Variants in CPSF6 observed in about 807,000 individuals in gnomAD.
CPSF6 encodes cleavage and polyadenylation specific factor 6.
Under a neutral mutation model 56.7 loss-of-function variants are expected in CPSF6, and 10 were observed. The observed-to-expected ratio is 0.18, with a 90% CI of 0.11 to 0.30. The LOEUF is 0.30. CPSF6 is among the 10% of genes least tolerant of loss of function. The pLI is 1.00. For synonymous variants in CPSF6, 248 were observed against 244.8 expected (o/e 1.01, Z -0.12); for missense variants, 419 against 722.9 (o/e 0.58, Z 4.82).
chr12:69,266,890 G>T (rs942186062), intron 9 of CPSF6, among the ~76,000 whole-genome samples: 3 of 152,058 alleles, frequency 2.0e-5, no homozygotes, highest in Non-Finnish European at 4.4e-5. Flanking sequence ...AGAGGTAGAA[G>T]AAAATATGAA....
At chr12:69,249,282 TAAATAA>T (rs150146546) in intron 1 of CPSF6, among the ~76,000 whole-genome samples, 6,589 of 148,112 alleles carry the variant, frequency 0.044, 464 homozygotes, top group African/African-American at 0.14. Flanking sequence ...AAAAAATAAA[TAAATAA>T]AAATTAAAAT....
rs189958604 is a variant in CPSF6 at position 69,250,520 on chromosome 12, G to A, written c.61-609G>A. ...GGCTCAAGCCTATATTTGGGAGGCC[G>A]AGGCAGGAGGATTGCTTGAACTCAG... On this transcript the variant is annotated intron_variant, in intron 1 of 9. Coordinates refer to ENST00000435070, the MANE Select transcript of CPSF6 (RefSeq NM_007007.3). 1.1e-4 allele frequency among the ~76,000 whole-genome samples: 17 copies of A among 148,566 alleles called. No homozygotes were observed. In the East Asian group the frequency reaches 3.1e-3, roughly 27 times the overall value.
intron 2 of CPSF6, chr12:69,252,282 T>C (rs1488495748): frequency 2.5e-5 from 8 of 317,616 alleles, no homozygotes; most frequent in Non-Finnish European, 3.7e-5. Flanking sequence ...GACTTCTTGC[T>C]ATATTGCTTC....
At chr12:69,240,052 G>A (rs990525080) in intron 1 of CPSF6, among the ~76,000 whole-genome samples, 2 of 151,450 alleles carry the variant, frequency 1.3e-5, no homozygotes, top group Non-Finnish European at 3.0e-5. Flanking sequence ...GGGGCCGCGT[G>A]TAAGCGGCGG....
chr12:69,242,603 T>G (rs1422356694), intron 1 of CPSF6, among the ~76,000 whole-genome samples: 2 of 152,158 alleles, frequency 1.3e-5, no homozygotes. Context: ...TTAGAGGTCT[T>G]TGGATGTCAC....
rs371147845 is a variant in CPSF6, at chr12:69,265,707, A to G, written c.*3+3145A>G. Among the ~76,000 whole-genome samples the G allele has an allele frequency of 6.0e-5, 9 of 150,212 alleles. No individual in the cohort carries two copies. In the South Asian group the frequency reaches 6.3e-4, roughly 11 times the overall value. On this transcript the variant is annotated intron_variant, in intron 9 of 9. Transcript: ENST00000435070. ...AACCTTCACCTCCTGGGTTCAAGCA[A>G]TTCTCCTGCCTTAGCCTCCGGAGTA...
At chr12:69,256,642 G>A (rs907107004) in intron 3 of CPSF6, 55 bp from the exon 4 acceptor site, 1 of 1,517,388 alleles carries the variant, frequency 6.6e-7, no homozygotes, top group Middle Eastern at 1.8e-4. Context: ...AAGAATAACA[G>A]TAATAATATT....
chr12:69,242,740 A>C (rs1252932641), intron 1 of CPSF6, among the ~76,000 whole-genome samples: 2 of 152,238 alleles, frequency 1.3e-5, no homozygotes, highest in East Asian at 3.8e-4. Context: ...TTTATACTCA[A>C]GTGTAGTAAT....
At chr12:69,263,163 T>A (rs1483918003) in intron 9 of CPSF6, among the ~76,000 whole-genome samples, 1 of 152,020 alleles carries the variant, frequency 6.6e-6, no homozygotes, top group East Asian at 1.9e-4. Context: ...CAGTATCCTT[T>A]AATTTGCAAA....
Position 69,260,179 on chromosome 12 carries a change from C to T in CPSF6, c.1451C>T (p.Ser484Phe). 6.2e-7 allele frequency: 1 copy of T among 1,609,808 alleles called. No homozygotes were observed. Among genetic ancestry groups the T allele is most frequent in the Non-Finnish European group, 8.5e-7 (1 of 1,178,074 alleles). Residue 484 changes from serine to phenylalanine, a missense_variant, in exon 8 of 10, where the codon TCT (serine) becomes TTT (phenylalanine). This residue lies in a region of CPSF6 where 81 missense variants were observed against 193.6 expected (regional missense o/e 0.42). Transcript: ENST00000435070. Reference sequence around the variant, plus strand: ...TGCCTTCATGGAATTGAGTCCAAGTCTTATGGTTCTGGATCAAGGTAAAAC... The same window carrying T: ...TGCCTTCATGGAATTGAGTCCAAGTTTTATGGTTCTGGATCAAGGTAAAAC... ...QDCLHGIESK[S>F]YGSGSRRERS...
chr12:69,244,520 G>A (rs1871788510), intron 1 of CPSF6, among the ~76,000 whole-genome samples: 1 of 151,810 alleles, frequency 6.6e-6, no homozygotes, highest in South Asian at 2.1e-4. Flanking sequence ...CACCACACTG[G>A]GCCTAAACTT....
chr12:69,249,270 C>CA (rs1327751558), intron 1 of CPSF6, among the ~76,000 whole-genome samples: 2 of 145,078 alleles, frequency 1.4e-5, no homozygotes, highest in Non-Finnish European at 1.5e-5. Context: ...GACTCCGTCT[C>CA]AAAAAAATAA....
rs1872584222 is a variant in CPSF6, at chr12:69,258,037, A to G, written c.694+132A>G. On this transcript the variant is annotated intron_variant, in intron 5 of 9. Coordinates refer to ENST00000435070, the MANE Select transcript of CPSF6 (RefSeq NM_007007.3). This position sits in a 1 kb window ranked among gnomAD's most constrained non-coding sequence, Gnocchi z 4.2. The stretch of plus-strand genomic sequence containing the variant: ...GTTATGCTATTTTTGGAATCCAGGA[A>G]ATTTGATCAAGCATCTTGTTAAAGG... The G allele has an allele frequency of 6.5e-7, 1 of 1,541,056 alleles. No individual in the cohort carries two copies. Among genetic ancestry groups the G allele is most frequent in the Admixed American group, 2.0e-5 (1 of 50,950 alleles).
intron 9 of CPSF6, among the ~76,000 whole-genome samples, chr12:69,263,380 G>A (rs1872833334): frequency 6.6e-6 from 1 of 151,902 alleles, no homozygotes; most frequent in South Asian, 2.1e-4. Context: ...GGGAAGAGTT[G>A]TCTGTTTATG....
chr12:69,268,912 C>T (rs1034512018), intron 9 of CPSF6, among the ~76,000 whole-genome samples: 1 of 151,702 alleles, frequency 6.6e-6, no homozygotes, highest in African/African-American at 2.4e-5. Flanking sequence ...ATTTGTATTA[C>T]GTCTAAAGAT....
At position 69,267,647 on chromosome 12, in the gene CPSF6, C is replaced by T. The variant is rs73335777; in HGVS notation, c.*4-1865C>T. Among the ~76,000 whole-genome samples the T allele has an allele frequency of 3.7e-3, 568 of 151,920 alleles. 3 individuals carry two copies. Among genetic ancestry groups the T allele is most frequent in the African/African-American group, 0.013 (538 of 41,508 alleles). ...TATTGGAAATGGGTTGTATTGCCTT[C>T]AAATTCACTTTCGTTTAAGACTGTA... is the stretch of plus-strand genomic sequence containing the variant. On this transcript the variant is annotated intron_variant, in intron 9 of 9. Coordinates refer to ENST00000435070, the MANE Select transcript of CPSF6 (RefSeq NM_007007.3).
At chr12:69,251,734 T>C (rs1193048093) in intron 2 of CPSF6, among the ~76,000 whole-genome samples, 1 of 152,202 alleles carries the variant, frequency 6.6e-6, no homozygotes, top group Non-Finnish European at 1.5e-5. Flanking sequence ...TTAAAAATAG[T>C]GTCCATTATT....
At chr12:69,260,621 T>G (rs919534846) in intron 8 of CPSF6, among the ~76,000 whole-genome samples, 6 of 152,230 alleles carry the variant, frequency 3.9e-5, no homozygotes, top group African/African-American at 1.4e-4. Flanking sequence ...TCATTCTAAC[T>G]TCTTAGGGTG....
intron 3 of CPSF6, 68 bp from the exon 4 acceptor site, chr12:69,256,629 C>T (rs1400859977): frequency 2.1e-6 from 3 of 1,459,060 alleles, no homozygotes; most frequent in East Asian, 4.6e-5. Flanking sequence ...GACCTTTTTA[C>T]AGAAGAATAA....
Sources: allele counts gnomAD v4.1 joint callset (sites outside exome capture counted in the v4.1 genomes callset), GRCh38; gene constraint gnomAD v4.1.1; regional missense constraint gnomAD v4.1.1; non-coding constraint Gnocchi (gnomAD v3.1); transcripts MANE v1.5; gene names NCBI Gene and HGNC (gene_info 2026-07-23, HGNC 2026-07-21).